The following INPP4B variants were observed in gnomAD, a reference collection of about 807,000 sequenced individuals.
INPP4B encodes the protein inositol polyphosphate 4-phosphatase type II.
Under a neutral mutation model 122.5 loss-of-function variants are expected in INPP4B, and 55 were observed. The ratio of observed to expected loss-of-function variants is 0.45; its 90% CI spans 0.36 to 0.56. The LOEUF (loss-of-function observed/expected upper bound fraction) is 0.56. Among genes scored for constraint, INPP4B ranks in the 20% least tolerant of loss-of-function variants. INPP4B has a pLI of 0.00. For synonymous variants in INPP4B, 403 were observed against 388.7 expected, an observed-to-expected ratio of 1.04 and a Z score of -0.43; for missense variants, 1,000 against 1,097.7, an observed-to-expected ratio of 0.91 and a Z score of 1.26.
chr4:142,219,440 C>A (rs181665211), intron 12 of INPP4B, among the ~76,000 whole-genome samples: 114 of 152,316 alleles, frequency 7.5e-4, no homozygotes, highest in Admixed American at 1.2e-3. Flanking sequence ...TTACCCTTCA[C>A]AGTTTGCTTT....
chr4:142,740,040 A>G (rs1767679163), intron 1 of INPP4B, among the ~76,000 whole-genome samples: 1 of 152,122 alleles, frequency 6.6e-6, no homozygotes. Flanking sequence ...AAAACATAGT[A>G]TACAAATTTA....
chr4:142,157,612 C>G (rs1262501208), intron 17 of INPP4B, among the ~76,000 whole-genome samples: 3 of 152,026 alleles, frequency 2.0e-5, no homozygotes, highest in African/African-American at 7.2e-5. Context: ...CTTTGAAGGA[C>G]AACAAGAGAA....
chr4:142,150,416 A>G (rs987577757), intron 17 of INPP4B, among the ~76,000 whole-genome samples: 1 of 152,214 alleles, frequency 6.6e-6, no homozygotes, highest in Non-Finnish European at 1.5e-5. Flanking sequence ...AATAGCAGCT[A>G]TTATCTTGCT....
At position 142,327,500 on chromosome 4, in the gene INPP4B, C is replaced by T. The variant is rs113580883; in HGVS notation, c.373-12738G>A. On this transcript the variant is annotated intron_variant, in intron 7 of 25. Coordinates refer to ENST00000262992, the MANE Select transcript of INPP4B (RefSeq NM_001101669.3). The stretch of plus-strand genomic sequence containing the variant: ...AGGGGCTTTCAAGGTAGCTCTCCAA[C>T]GAAGAGTCCTGTTTGTGTCCAGGCA... Among the ~76,000 whole-genome samples the T allele has an allele frequency of 1.3e-4, 20 of 151,520 alleles. No homozygotes were observed. The South Asian group carries it at 1.9e-3, about 14-fold the overall frequency.
chr4:142,572,333 G>A (rs1733007358), intron 2 of INPP4B, among the ~76,000 whole-genome samples: 1 of 152,126 alleles, frequency 6.6e-6, no homozygotes, highest in Admixed American at 6.6e-5. Context: ...CCTGCAGAGA[G>A]AGCTGTGGGG....
At chr4:142,290,862 A>G (rs1052600681) in intron 9 of INPP4B, among the ~76,000 whole-genome samples, 3 of 152,178 alleles carry the variant, frequency 2.0e-5, no homozygotes, top group African/African-American at 7.2e-5. Context: ...GGGGCTATTC[A>G]GGGCTCAGTG....
At chr4:142,377,324 G>GT (rs1372901710) in intron 7 of INPP4B, among the ~76,000 whole-genome samples, 1 of 149,652 alleles carries the variant, frequency 6.7e-6, no homozygotes, top group Non-Finnish European at 1.5e-5. Flanking sequence ...TGTGAGGAAA[G>GT]TTAAAAAAAA....
At chr4:142,219,775 T>G (rs1848642256) in intron 12 of INPP4B, among the ~76,000 whole-genome samples, 1 of 152,156 alleles carries the variant, frequency 6.6e-6, no homozygotes, top group Non-Finnish European at 1.5e-5. Context: ...GTTTCGTAGG[T>G]AGAAGGAAAA....
At chr4:142,284,787 C>G (rs572756265) in intron 9 of INPP4B, among the ~76,000 whole-genome samples, 1 of 152,060 alleles carries the variant, frequency 6.6e-6, no homozygotes, top group African/African-American at 2.4e-5. Flanking sequence ...CCTGTAAGCA[C>G]GGAAGTCAAG....
At position 142,465,610 on chromosome 4, in the gene INPP4B, G is replaced by A. The variant is rs147548417; in HGVS notation, c.-190-2884C>T. The stretch of plus-strand genomic sequence containing the variant: ...TTCTATATAGGTCAGTGCCTTCTTT[G>A]GTCCCTGTATCCATTCCTTTTGTGG... On this transcript the variant is annotated intron_variant, in intron 2 of 25. Coordinates refer to ENST00000262992, the MANE Select transcript of INPP4B (RefSeq NM_001101669.3). Among the ~76,000 whole-genome samples the A allele has an allele frequency of 5.9e-5, 9 of 152,194 alleles. No individual in the cohort carries two copies. The East Asian group carries it at 1.5e-3, about 26-fold the overall frequency.
chr4:142,395,875 T>C (rs1799202398), intron 7 of INPP4B, among the ~76,000 whole-genome samples: 2 of 151,926 alleles, frequency 1.3e-5, no homozygotes, highest in African/African-American at 4.8e-5. Context: ...GAGAGTAAAA[T>C]TGTGATTGCT....
intron 2 of INPP4B, among the ~76,000 whole-genome samples, chr4:142,546,719 T>C (rs999684894): frequency 7.2e-5 from 11 of 152,184 alleles, no homozygotes; most frequent in African/African-American, 2.4e-4. Flanking sequence ...AGTCTTCATA[T>C]TGTCGGTTAA....
chr4:142,402,935 T>TA lies in INPP4B; in HGVS notation c.372+2dup. The TA allele has an allele frequency of 7.3e-7, 1 of 1,363,710 alleles. No homozygotes were observed. The highest frequency in any genetic ancestry group is 1.1e-6 in the Non-Finnish European group (1 of 950,466). The allele number at this position is 1,363,710 out of a possible 1,614,324, so 84.5% of individuals were successfully genotyped here. ...AAAGAAAGAAAGAAGTACCAGTACT[T>TA]ACGGTGTCATGAGACTTATCCTTGA... On this transcript the variant is annotated splice_region_variant and intron_variant, in intron 7 of 25. Coordinates refer to ENST00000262992, the MANE Select transcript of INPP4B (RefSeq NM_001101669.3).
chr4:142,087,254 T>C (rs1198950646), intron 23 of INPP4B, among the ~76,000 whole-genome samples: 1 of 152,086 alleles, frequency 6.6e-6, no homozygotes, highest in Non-Finnish European at 1.5e-5. Flanking sequence ...AGCACAGATA[T>C]GACACGGAAA....
chr4:142,587,186 T>C (rs7688435), intron 2 of INPP4B, among the ~76,000 whole-genome samples: 124,032 of 152,026 alleles, frequency 0.82, 50,865 homozygotes, highest in Non-Finnish European at 0.85. Flanking sequence ...TATCCTGTAA[T>C]GGCCAGTGGG....
chr4:142,472,860 T>C (rs1377760146), intron 2 of INPP4B, among the ~76,000 whole-genome samples: 1 of 152,196 alleles, frequency 6.6e-6, no homozygotes, highest in East Asian at 1.9e-4. Context: ...GACATTTGTA[T>C]TTTGAAAAGA....
At chr4:142,230,322 G>A (rs75411793) in intron 12 of INPP4B, among the ~76,000 whole-genome samples, 5,344 of 152,090 alleles carry the variant, frequency 0.035, 290 homozygotes, top group African/African-American at 0.12. Flanking sequence ...CTACCACAGC[G>A]AGGCTCATGA....
chr4:142,561,335 T>A (rs1004078941), intron 2 of INPP4B, among the ~76,000 whole-genome samples: 38 of 152,362 alleles, frequency 2.5e-4, no homozygotes, highest in African/African-American at 8.2e-4. Flanking sequence ...ATTATTTCAC[T>A]TGTCTAGATA....
chr4:142,595,884 G>A (rs750889326), intron 2 of INPP4B, among the ~76,000 whole-genome samples: 50 of 151,778 alleles, frequency 3.3e-4, no homozygotes, highest in Non-Finnish European at 6.5e-4. Flanking sequence ...TTTTGAGATG[G>A]AGTCTTGTTG....
Sources: allele counts gnomAD v4.1 joint callset (sites outside exome capture counted in the v4.1 genomes callset), GRCh38; gene constraint gnomAD v4.1.1; transcripts MANE v1.5; gene names NCBI Gene and HGNC (gene_info 2026-07-23, HGNC 2026-07-21).